Variants in IL10RA observed in about 807,000 individuals in gnomAD.
IL10RA encodes interleukin-10 receptor subunit alpha.
Under a neutral mutation model 29.6 loss-of-function variants are expected in IL10RA, and 18 were observed. That is an observed-to-expected ratio of 0.61 (90% confidence interval 0.42 to 0.90). The LOEUF (loss-of-function observed/expected upper bound fraction) is 0.90, where lower values mean the gene tolerates loss of function less well. IL10RA is among the 40% of genes least tolerant of loss of function. The probability of loss-of-function intolerance (pLI) is 0.00; values close to 1 mark genes in which losing one functional copy is unlikely to be tolerated. For synonymous variants in IL10RA, 292 were observed against 294.1 expected, an observed-to-expected ratio of 0.99 and a Z score of 0.07; for missense variants, 634 against 716.6, an observed-to-expected ratio of 0.88 and a Z score of 1.32.
In IL10RA at chr11:117,995,794, G is replaced by T. The variant is rs1028650916; in HGVS notation, c.810+84G>T. 1.9e-5 allele frequency: 28 copies of T among 1,451,886 alleles called. No homozygotes were observed. The Admixed American group carries it at 5.2e-4, about 27-fold the overall frequency. 89.9% of individuals were successfully genotyped at this position (1,451,886 alleles called of 1,614,324 possible). A position where few individuals can be genotyped will look rare whatever the true frequency, so the allele number is the denominator to read the frequency against. Reference sequence around the variant, plus strand: ...AGGGCAGGGAGCTCTTTTCCTCCCAGCCAGTCCATTGCCTTAGCTTGCCTC... The same window carrying T: ...AGGGCAGGGAGCTCTTTTCCTCCCATCCAGTCCATTGCCTTAGCTTGCCTC... On this transcript the variant is annotated intron_variant, in intron 6 of 6. Transcript: ENST00000227752.
rs2058075983 is a variant in IL10RA, at chr11:117,999,143, T to A, written c.1239T>A (p.Ala413=). The A allele has an allele frequency of 1.2e-6, 2 of 1,613,702 alleles. No individual in the cohort carries two copies. Among genetic ancestry groups the A allele is most frequent in the South Asian group, 1.1e-5 (1 of 91,084 alleles). ...TAGTTCAAAACTCTGAGGGCCGGGC[T>A]GGGGACACACAGGGTGGCTCGGCCT... ...IDLVQNSEGR[A]GDTQGGSALG... The change falls in exon 7 of 7, where the codon GCT becomes GCA. Residue 413 remains alanine (A), a synonymous_variant. Coordinates refer to ENST00000227752, the MANE Select transcript of IL10RA (RefSeq NM_001558.4).
intron 5 of IL10RA, among the ~76,000 whole-genome samples, chr11:117,994,779 T>G (rs2058045983): frequency 6.6e-6 from 1 of 152,110 alleles, no homozygotes; most frequent in African/African-American, 2.4e-5. Context: ...CAATGAAACA[T>G]GCCAACAGTA....
At chr11:117,995,433 T>C (rs985996434) in intron 5 of IL10RA, 156 bp from the exon 6 acceptor site, 1 of 901,000 alleles carries the variant, frequency 1.1e-6, no homozygotes. Flanking sequence ...CGCAGAAACC[T>C]AGACACATCT....
rs749968709 is a variant in IL10RA at position 117,994,078 on chromosome 11, A to C, written c.617A>C (p.Lys206Thr). ...GEVGEFCVQV[K>T]PSVASRSNKG... Reference sequence around the variant, plus strand: ...GTGGGAGAGTTCTGTGTCCAGGTGAAACCATCTGTCGCTTCCCGAAGTAAC... The same window carrying C: ...GTGGGAGAGTTCTGTGTCCAGGTGACACCATCTGTCGCTTCCCGAAGTAAC... Residue 206 changes from lysine to threonine, a missense_variant, in exon 5 of 7, where the codon AAA becomes ACA. Lys to Thr is a moderately conservative substitution (Grantham distance 78). Coordinates refer to ENST00000227752, the MANE Select transcript of IL10RA (RefSeq NM_001558.4). 1 of 1,614,000 alleles carries C rather than the reference A, an allele frequency of 6.2e-7. No homozygotes were observed. Among genetic ancestry groups the C allele is most frequent in the African/African-American group, 1.3e-5 (1 of 74,924 alleles).
rs778168249 is a variant in IL10RA at position 117,988,401 on chromosome 11, T to C, written c.87T>C (p.Pro29=). Residue 29 remains proline, a synonymous_variant, in exon 2 of 7, where the codon CCT becomes CCC. Coordinates refer to ENST00000227752, the MANE Select transcript of IL10RA (RefSeq NM_001558.4). ...SDAHGTELPS[P]PSVWFEAEFF... ...CCCCAGGGACAGAGCTGCCCAGCCC[T>C]CCGTCTGTGTGGTTTGAAGCAGAAT... The C allele has an allele frequency of 6.2e-7, 1 of 1,614,156 alleles. No individual in the cohort carries two copies. Among genetic ancestry groups the C allele is most frequent in the Admixed American group, 1.7e-5 (1 of 60,020 alleles).
rs1222496809 is a variant in IL10RA, at chr11:118,000,629, G to T, written c.*988G>T. 4.4e-6 allele frequency: 2 copies of T among 454,252 alleles called. No individual in the cohort carries two copies. Among genetic ancestry groups the T allele is most frequent in the Admixed American group, 4.7e-5 (2 of 42,574 alleles). The allele number at this position is 454,252 out of a possible 1,614,324, so 28.1% of individuals were successfully genotyped here. On this transcript the variant is annotated 3_prime_UTR_variant, in exon 7 of 7. Coordinates refer to ENST00000227752, the MANE Select transcript of IL10RA (RefSeq NM_001558.4). The stretch of plus-strand genomic sequence containing the variant: ...GATAAGCCACTGGGCACTGGGCTGG[G>T]GTCCCTGCCTTGTTGGTGTTCAGCT...
intron 6 of IL10RA, among the ~76,000 whole-genome samples, chr11:117,996,167 T>C (rs959042942): frequency 5.3e-5 from 8 of 152,118 alleles, no homozygotes; most frequent in Non-Finnish European, 7.4e-5. Flanking sequence ...GCCATGGGTG[T>C]TCCACAAGAG....
rs1329514623 is a variant in IL10RA, at chr11:117,995,636, C to T, written c.736C>T (p.Leu246Phe). 2 of 1,614,178 alleles carry T rather than the reference C, an allele frequency of 1.2e-6. No homozygotes were observed. Among genetic ancestry groups the T allele is most frequent in the East Asian group, 2.2e-5 (1 of 44,892 alleles). ...CATCTTCTTTGCCTTTGTCCTGCTG[C>T]TCTCCGGAGCCCTCGCCTACTGCCT... ...VIIFFAFVLL[L>F]SGALAYCLAL... Residue 246 changes from leucine (L) to phenylalanine (F), a missense_variant, in exon 6 of 7, where the codon CTC (leucine) becomes TTC (phenylalanine). Leu to Phe is a conservative substitution (Grantham distance 22). Coordinates refer to ENST00000227752, the MANE Select transcript of IL10RA (RefSeq NM_001558.4).
At chr11:117,987,159 G>A in intron 1 of IL10RA, 1 of 324,994 alleles carries the variant, frequency 3.1e-6, no homozygotes, top group Non-Finnish European at 6.1e-6. Flanking sequence ...TGAAAGAGCC[G>A]GGAGTTGGAA....
At chr11:117,987,983 T>G in intron 1 of IL10RA, 1 of 292,000 alleles carries the variant, frequency 3.4e-6, no homozygotes, top group Non-Finnish European at 6.7e-6. Flanking sequence ...CAAGCCAGGG[T>G]GGGGATCAGG....
At position 117,989,504 on chromosome 11, in the gene IL10RA, C is replaced by T. The variant is rs137853580; in HGVS notation, c.251C>T (p.Thr84Ile). 5 of 1,614,096 alleles carry T rather than the reference C, an allele frequency of 3.1e-6. No homozygotes were observed. Among genetic ancestry groups the T allele is most frequent in the East Asian group, 2.2e-5 (1 of 44,900 alleles). ...AGCCAGACCCTGTCCTATGACCTTA[C>T]CGCAGTGACCTTGGACCTGTACCAC... ...NCSQTLSYDL[T>I]AVTLDLYHSN... Residue 84 changes from threonine (T) to isoleucine (I), a missense_variant, in exon 3 of 7, where the codon ACC becomes ATC. Transcript: ENST00000227752. The surrounding 1 kb of genome is among the most constrained non-coding windows in gnomAD (Gnocchi z 4.5).
chr11:117,994,630 G>C (rs980914297), intron 5 of IL10RA, among the ~76,000 whole-genome samples: 4 of 152,324 alleles, frequency 2.6e-5, no homozygotes, highest in South Asian at 4.1e-4. Context: ...GGGGCTGTAG[G>C]GGGAGGGAGA....
Position 117,995,720 on chromosome 11 carries a change from G to A in IL10RA, c.810+10G>A, listed in dbSNP as rs12290349. On this transcript the variant is annotated intron_variant, in intron 6 of 6. Coordinates refer to ENST00000227752, the MANE Select transcript of IL10RA (RefSeq NM_001558.4). Reference sequence around the variant, plus strand: ...GCTACCCAGTGTCCTGGTGAGTCTTGCAAGGAGGTCACTGCCCCGTCCTTC... The same window carrying A: ...GCTACCCAGTGTCCTGGTGAGTCTTACAAGGAGGTCACTGCCCCGTCCTTC... The A allele has an allele frequency of 1.5e-4, 234 of 1,612,242 alleles. No homozygotes were observed. The African/African-American group carries it at 3.1e-3, about 21-fold the overall frequency.
rs1374450762 is a variant in IL10RA at position 118,001,380 on chromosome 11, T to A, written c.*1739T>A. 2.2e-6 allele frequency: 1 copy of A among 453,946 alleles called. No individual in the cohort carries two copies. The highest frequency in any genetic ancestry group is 2.0e-5 in the African/African-American group (1 of 49,984). 28.1% of individuals were successfully genotyped at this position (453,946 alleles called of 1,614,324 possible). On this transcript the variant is annotated 3_prime_UTR_variant, in exon 7 of 7. Transcript: ENST00000227752. ...CTGACTTGTCTAATTCGTAGGGATG[T>A]GAGGTTCTGCTGAGGAAATGGGTAT... is the stretch of plus-strand genomic sequence containing the variant.
At chr11:117,988,349 T>C in intron 1 of IL10RA, 33 bp from the exon 2 acceptor site, 1 of 1,613,668 alleles carries the variant, frequency 6.2e-7, no homozygotes, top group Non-Finnish European at 8.5e-7. Flanking sequence ...CTGCCCCCCC[T>C]CCCAGCTGTG....
In IL10RA at chr11:117,994,142, C is replaced by G. The variant is rs776596755; in HGVS notation, c.681C>G (p.Thr227=). 2.5e-6 allele frequency: 4 copies of G among 1,613,966 alleles called. No homozygotes were observed. Among genetic ancestry groups the G allele is most frequent in the Non-Finnish European group, 3.4e-6 (4 of 1,179,924 alleles). The part of the protein sequence containing the change: ...MWSKEECISL[T]RQYFTVTNVI... ...CTAAAGAGGAGTGCATCTCCCTCAC[C>G]AGGCAGTGTGAGTCAGCTGGGCTGC... Residue 227 remains threonine, a synonymous_variant, in exon 5 of 7, where the codon ACC becomes ACG. Coordinates refer to ENST00000227752, the MANE Select transcript of IL10RA (RefSeq NM_001558.4).
In IL10RA at chr11:117,999,911, C is replaced by A; in HGVS notation, c.*270C>A. On this transcript the variant is annotated 3_prime_UTR_variant, in exon 7 of 7. Transcript: ENST00000227752. ...CAGACTCTGGCAGAGCTGAGAAGGGCAGGGACCTTCTCCCTCCTAGGAACT... is the reference window on the plus strand; with the variant it reads ...CAGACTCTGGCAGAGCTGAGAAGGGAAGGGACCTTCTCCCTCCTAGGAACT... 1 of 646,644 alleles carries A rather than the reference C, an allele frequency of 1.5e-6. No individual in the cohort carries two copies. Among genetic ancestry groups the A allele is most frequent in the Admixed American group, 2.1e-5 (1 of 48,214 alleles). The allele number at this position is 646,644 out of a possible 1,614,324, so 40.1% of individuals were successfully genotyped here.
chr11:117,995,453 G>A, intron 5 of IL10RA, 136 bp from the exon 6 acceptor site: 1 of 1,065,920 alleles, frequency 9.4e-7, no homozygotes, highest in Non-Finnish European at 1.4e-6. Flanking sequence ...TAGAGTTGTG[G>A]CCTGTAGTTT....
At chr11:117,995,335 T>A in intron 5 of IL10RA, 1 of 535,956 alleles carries the variant, frequency 1.9e-6, no homozygotes, top group Non-Finnish European at 3.4e-6. Flanking sequence ...TTTGCTGTGA[T>A]GGGAGTCATG....
Sources: allele counts gnomAD v4.1 joint callset (sites outside exome capture counted in the v4.1 genomes callset), GRCh38; gene constraint gnomAD v4.1.1; non-coding constraint Gnocchi (gnomAD v3.1); transcripts MANE v1.5; gene names NCBI Gene and HGNC (gene_info 2026-07-23, HGNC 2026-07-21).